The following FER1L6 variants were observed in gnomAD, a reference collection of about 807,000 sequenced individuals.
The protein encoded by FER1L6 is fer-1 like family member 6, also known as fer-1-like protein 6.
In FER1L6, 177 loss-of-function variants were observed where a neutral mutation model predicts 219.2. The observed-to-expected ratio is 0.81, with a 90% CI of 0.71 to 0.91. The LOEUF (loss-of-function observed/expected upper bound fraction) is 0.91. FER1L6 is among the 40% of genes least tolerant of loss of function. The pLI is 0.00. For synonymous variants in FER1L6, 768 were observed against 824.3 expected (o/e 0.93, Z 1.17); for missense variants, 2,153 against 2,259.9 (o/e 0.95, Z 0.96).
chr8:124,090,886 A>G lies in FER1L6; in HGVS notation c.4392-537A>G, dbSNP rs1031581291. Among the ~76,000 whole-genome samples the G allele has an allele frequency of 5.3e-5, 8 of 152,266 alleles. 1 individual carries two copies. The South Asian group carries it at 1.5e-3, about 28-fold the overall frequency. On this transcript the variant is annotated intron_variant, in intron 33 of 40. Transcript: ENST00000522917. The stretch of plus-strand genomic sequence containing the variant: ...GGGAGGGACGAAGCAGAGACCTTGA[A>G]ACTTGGAATAAGCAGCAGCCGAGTG...
At chr8:123,918,684 C>T (rs16899047) in intron 1 of FER1L6, among the ~76,000 whole-genome samples, 49,210 of 148,190 alleles carry the variant, frequency 0.33, 8,568 homozygotes, top group East Asian at 0.45. Context: ...AGAGTGAATG[C>T]TGTTAGGTGG....
In FER1L6 at chr8:123,977,603, G is replaced by A. The variant is rs746528712; in HGVS notation, c.1057G>A (p.Asp353Asn). The part of the protein sequence containing the change: ...LKKISNEQDG[D>N]KGFLPTFGPA... ...GAAAATCTCCAACGAACAGGATGGA[G>A]ACAAAGGTAAAGTCCCATCCATCTG... The change falls in exon 10 of 41, where the codon GAC (aspartate) becomes AAC (asparagine). Residue 353 changes from aspartate (D) to asparagine (N), a missense_variant. Transcript: ENST00000522917. 1.2e-6 allele frequency: 2 copies of A among 1,613,920 alleles called. No homozygotes were observed. The highest frequency in any genetic ancestry group is 2.2e-5 in the East Asian group (1 of 44,876).
At chr8:124,067,859 G>A (rs1820892507) in intron 28 of FER1L6, 53 bp downstream of exon 28, 1 of 1,495,026 alleles carries the variant, frequency 6.7e-7, no homozygotes. Context: ...ATCGTTACGA[G>A]AAAATTGTAA....
chr8:123,995,040 G>A (rs1014127091), intron 12 of FER1L6, among the ~76,000 whole-genome samples: 1 of 152,192 alleles, frequency 6.6e-6, no homozygotes, highest in African/African-American at 2.4e-5. Flanking sequence ...ACAGTCTGGG[G>A]ACTTAAAATA....
chr8:124,060,730 C>G (rs766970901), intron 24 of FER1L6, 21 bp downstream of exon 24: 1 of 1,605,886 alleles, frequency 6.2e-7, no homozygotes, highest in South Asian at 1.1e-5. Flanking sequence ...CTCACTCTCC[C>G]GACCTGGCTC....
At chr8:124,094,049 T>C (rs1358625997) in intron 34 of FER1L6, among the ~76,000 whole-genome samples, 2 of 152,162 alleles carry the variant, frequency 1.3e-5, no homozygotes, top group African/African-American at 4.8e-5. Flanking sequence ...GTTTTTATCA[T>C]GAATAACCTT....
At chr8:124,049,531 G>A (rs2130777863) in intron 21 of FER1L6, 76 bp from the exon 22 acceptor site, 2 of 1,489,502 alleles carry the variant, frequency 1.3e-6, no homozygotes, top group Non-Finnish European at 1.9e-6. Context: ...ATTTTGTGGA[G>A]GTGATGGCAT....
chr8:123,949,727 A>G (rs1475004959), intron 1 of FER1L6, among the ~76,000 whole-genome samples: 1 of 152,152 alleles, frequency 6.6e-6, no homozygotes, highest in Non-Finnish European at 1.5e-5. Context: ...AAGAATACAA[A>G]TGTTCTGTGG....
chr8:123,867,926 TCTCTACCAGTCC>T (rs1816861874), intron 1 of FER1L6, among the ~76,000 whole-genome samples: 1 of 152,152 alleles, frequency 6.6e-6, no homozygotes, highest in Admixed American at 6.5e-5. Flanking sequence ...CCTGTTCTGC[TCTCTACCAGTCC>T]CTCTTTCCCT....
chr8:123,969,867 CAAAA>C (rs369712009), intron 5 of FER1L6, among the ~76,000 whole-genome samples, 164 bp from the exon 6 acceptor site: 5 of 72,006 alleles, frequency 6.9e-5, no homozygotes, highest in Non-Finnish European at 1.1e-4. Context: ...ACCCTGTCTC[CAAAA>C]AAAAAAAAAA....
At chr8:123,884,215 TCTC>T (rs1817159722) in intron 1 of FER1L6, among the ~76,000 whole-genome samples, 1 of 152,202 alleles carries the variant, frequency 6.6e-6, no homozygotes, top group South Asian at 2.1e-4. Context: ...GTAATGGTGT[TCTC>T]CTGGGTGGGT....
At position 124,082,466 on chromosome 8, in the gene FER1L6, C is replaced by A. The variant is rs542744655; in HGVS notation, c.4391+8C>A. On this transcript the variant is annotated splice_region_variant and intron_variant, in intron 33 of 40. Coordinates refer to ENST00000522917, the MANE Select transcript of FER1L6 (RefSeq NM_001039112.2). ...GCAGAGCCAGTATGAGATGTAAGTT[C>A]TTTCTCCCCGGGAGACACTTGGTAT... 2.5e-5 allele frequency: 41 copies of A among 1,612,560 alleles called. No individual in the cohort carries two copies. In the South Asian group the frequency reaches 3.2e-4, roughly 13 times the overall value.
At chr8:123,902,266 T>C (rs1006203842) in intron 1 of FER1L6, among the ~76,000 whole-genome samples, 8 of 152,222 alleles carry the variant, frequency 5.3e-5, no homozygotes, top group African/African-American at 9.6e-5. Context: ...TGCTGTTGAA[T>C]AGAATGTGTA....
At chr8:124,037,334 G>A (rs1013850476) in intron 19 of FER1L6, among the ~76,000 whole-genome samples, 5 of 152,190 alleles carry the variant, frequency 3.3e-5, no homozygotes, top group Admixed American at 1.3e-4. Flanking sequence ...TAAGGAACAC[G>A]TGGGCCATCT....
chr8:124,015,283 A>G (rs537606873), intron 15 of FER1L6, among the ~76,000 whole-genome samples: 1 of 152,230 alleles, frequency 6.6e-6, no homozygotes, highest in Non-Finnish European at 1.5e-5. Flanking sequence ...TGCAGGAGGT[A>G]GGACTCACTG....
intron 1 of FER1L6, among the ~76,000 whole-genome samples, chr8:123,922,240 G>A (rs900830074): frequency 6.6e-6 from 1 of 152,236 alleles, no homozygotes; most frequent in African/African-American, 2.4e-5. Flanking sequence ...GCAGCTGTGG[G>A]AGGCTTTGGG....
At chr8:124,092,358 G>A (rs1005226832) in intron 34 of FER1L6, among the ~76,000 whole-genome samples, 49 of 152,240 alleles carry the variant, frequency 3.2e-4, no homozygotes, top group African/African-American at 8.9e-4. Flanking sequence ...GGTCACAGAA[G>A]TAGAATTGTT....
chr8:123,998,149 T>C (rs1189186299), intron 12 of FER1L6, among the ~76,000 whole-genome samples: 1 of 152,134 alleles, frequency 6.6e-6, no homozygotes, highest in Admixed American at 6.5e-5. Flanking sequence ...CCCATCCTTC[T>C]TAGGAAAGCT....
intron 39 of FER1L6, among the ~76,000 whole-genome samples, chr8:124,110,975 A>G (rs563102269): frequency 3.5e-4 from 54 of 152,284 alleles, no homozygotes; most frequent in African/African-American, 1.2e-3. Context: ...AGTGCTCACC[A>G]AAGTTAGCCT....
Sources: allele counts gnomAD v4.1 joint callset (sites outside exome capture counted in the v4.1 genomes callset), GRCh38; gene constraint gnomAD v4.1.1; transcripts MANE v1.5; gene names NCBI Gene and HGNC (gene_info 2026-07-23, HGNC 2026-07-21).